NR2C2: variants seen among roughly 807,000 people sequenced by gnomAD.
NR2C2 encodes the protein nuclear receptor subfamily 2 group C member 2.
NR2C2 carries 6 observed loss-of-function variants against 62.9 expected under a neutral mutation model. The observed-to-expected ratio is 0.10, with a 90% confidence interval of 0.05 to 0.19. NR2C2 has a LOEUF of 0.19. NR2C2 is among the 10% of genes least tolerant of loss of function. The pLI, the probability that NR2C2 is intolerant of heterozygous loss-of-function variation, is 1.00. For synonymous variants in NR2C2, 272 were observed against 273.8 expected, an observed-to-expected ratio of 0.99 and a Z score of 0.07; for missense variants, 479 against 762.7, an observed-to-expected ratio of 0.63 and a Z score of 4.38.
intron 1 of NR2C2, among the ~76,000 whole-genome samples, chr3:14,949,537 C>T (rs185604936): frequency 4.6e-4 from 70 of 152,248 alleles, no homozygotes; most frequent in African/African-American, 1.6e-3. Context: ...ATAAGAAAGT[C>T]GAGGAAAATA....
chr3:15,019,989 T>C (rs1376873081), intron 4 of NR2C2, among the ~76,000 whole-genome samples: 3 of 152,244 alleles, frequency 2.0e-5, no homozygotes, highest in South Asian at 2.1e-4. Flanking sequence ...AACGTGGATA[T>C]ATTGAAATAT....
At chr3:15,036,980 G>A (rs899050836) in intron 11 of NR2C2, among the ~76,000 whole-genome samples, 3 of 150,458 alleles carry the variant, frequency 2.0e-5, no homozygotes, top group Non-Finnish European at 4.5e-5. Context: ...AAATTAGCCT[G>A]ACATGGTGGT....
Position 15,043,098 on chromosome 3 carries a change from T to C in NR2C2, c.*90T>C. ...GTAGTGGTATTTTGGTATGTGCAAA[T>C]ATTTCCATATGTTAGCCATTTCCTG... On this transcript the variant is annotated 3_prime_UTR_variant, in exon 14 of 14. Transcript: ENST00000425241. The C allele has an allele frequency of 8.0e-7, 1 of 1,257,788 alleles. No individual in the cohort carries two copies. Among genetic ancestry groups the C allele is most frequent in the Non-Finnish European group, 1.1e-6 (1 of 929,990 alleles). 77.9% of individuals were successfully genotyped at this position (1,257,788 alleles called of 1,614,324 possible). A position where few individuals can be genotyped will look rare whatever the true frequency, so the allele number is the denominator to read the frequency against.
chr3:15,003,756 C>T (rs2041087272), intron 1 of NR2C2, 120 bp from the exon 2 acceptor site: 3 of 651,974 alleles, frequency 4.6e-6, no homozygotes, highest in Middle Eastern at 5.2e-4. Context: ...TGGGTCCATA[C>T]CTCAGAACCA....
At chr3:14,976,247 A>G (rs1487561030) in intron 1 of NR2C2, among the ~76,000 whole-genome samples, 1 of 152,188 alleles carries the variant, frequency 6.6e-6, no homozygotes, top group Non-Finnish European at 1.5e-5. Flanking sequence ...TATTCCCATT[A>G]GATGAAGAGA....
chr3:15,031,149 T>C (rs2041969730), intron 9 of NR2C2, among the ~76,000 whole-genome samples: 1 of 152,106 alleles, frequency 6.6e-6, no homozygotes, highest in African/African-American at 2.4e-5. Flanking sequence ...GAAACCCTCA[T>C]ATAAAATCTA....
chr3:14,964,900 C>T (rs2039796495), intron 1 of NR2C2, among the ~76,000 whole-genome samples: 1 of 152,158 alleles, frequency 6.6e-6, no homozygotes, highest in South Asian at 2.1e-4. Context: ...TGGCTGGATC[C>T]TGTCCTGGCA....
At chr3:14,979,737 C>CAGGG (rs1165880006) in intron 1 of NR2C2, among the ~76,000 whole-genome samples, 1 of 151,762 alleles carries the variant, frequency 6.6e-6, no homozygotes, top group Non-Finnish European at 1.5e-5. Flanking sequence ...GGCAGCAGTG[C>CAGGG]AGGGAGGGAG....
chr3:14,988,646 A>C (rs2040576352), intron 1 of NR2C2, among the ~76,000 whole-genome samples: 1 of 152,158 alleles, frequency 6.6e-6, no homozygotes, highest in South Asian at 2.1e-4. Flanking sequence ...TAGTGAATAG[A>C]GTGTTTTGTT....
chr3:15,001,318 G>GTTTTTTTTTTTTTTTTTTTTTTGT (rs61017075), intron 1 of NR2C2, among the ~76,000 whole-genome samples: 13 of 97,482 alleles, frequency 1.3e-4, no homozygotes, highest in East Asian at 3.1e-4. Context: ...TTTGTTTTGG[G>GTTTTTTTTTTTTTTTTTTTTTTGT]TTTTTTTTTT....
In NR2C2 at chr3:15,023,324, T is replaced by C. The variant is rs2230442; in HGVS notation, c.681T>C (p.Phe227=). The C allele has an allele frequency of 2.6e-5, 42 of 1,614,076 alleles. No individual in the cohort carries two copies. In the African/African-American group the frequency reaches 5.5e-4, roughly 21 times the overall value. The stretch of plus-strand genomic sequence containing the variant: ...GTCCCCTGATAGCTACTCCCACGTT[T>C]GTGGCAGACAAAGATGGAGCAAGGT... ...LRSPLIATPT[F]VADKDGARQT... The change falls in exon 6 of 14, where the codon TTT becomes TTC. Residue 227 remains phenylalanine (F), a synonymous_variant. Coordinates refer to ENST00000425241, the MANE Select transcript of NR2C2 (RefSeq NM_001291694.2).
intron 1 of NR2C2, among the ~76,000 whole-genome samples, chr3:14,963,299 T>G (rs1248934908): frequency 1.3e-5 from 2 of 152,162 alleles, no homozygotes; most frequent in Non-Finnish European, 2.9e-5. Context: ...ACTGTCAGTA[T>G]TCCCATTTAG....
At chr3:14,980,793 G>C (rs765133172) in intron 1 of NR2C2, among the ~76,000 whole-genome samples, 3 of 152,178 alleles carry the variant, frequency 2.0e-5, no homozygotes, top group Non-Finnish European at 4.4e-5. Context: ...AAAGCTTTGG[G>C]AGAAATGCAT....
chr3:15,037,357 GCCA>G (rs894858728), intron 11 of NR2C2, among the ~76,000 whole-genome samples: 4 of 152,014 alleles, frequency 2.6e-5, no homozygotes, highest in Non-Finnish European at 5.9e-5. Flanking sequence ...AGAGGCACGA[GCCA>G]CCACAACTGG....
chr3:14,968,355 A>G (rs1322999043), intron 1 of NR2C2, among the ~76,000 whole-genome samples: 5 of 152,234 alleles, frequency 3.3e-5, no homozygotes. Context: ...AAAAGAAGAC[A>G]TTTATGCAGC....
chr3:14,973,981 C>T (rs139123569), intron 1 of NR2C2, among the ~76,000 whole-genome samples: 655 of 152,176 alleles, frequency 4.3e-3, no homozygotes, highest in Admixed American at 0.012. Flanking sequence ...AGTCAGAGAC[C>T]GTCTCTGTAT....
At chr3:14,986,507 C>T (rs1182871356) in intron 1 of NR2C2, among the ~76,000 whole-genome samples, 1 of 152,114 alleles carries the variant, frequency 6.6e-6, no homozygotes, top group Non-Finnish European at 1.5e-5. Context: ...AGGATGATGT[C>T]CTTGCAAAAG....
intron 1 of NR2C2, among the ~76,000 whole-genome samples, chr3:14,963,282 G>A (rs2039740693): frequency 6.6e-6 from 1 of 152,090 alleles, no homozygotes; most frequent in Non-Finnish European, 1.5e-5. Context: ...AACTTTCTGA[G>A]GTTGGTACTG....
intron 9 of NR2C2, among the ~76,000 whole-genome samples, chr3:15,031,235 T>A (rs1459256848): frequency 6.6e-6 from 1 of 152,114 alleles, no homozygotes; most frequent in Non-Finnish European, 1.5e-5. Flanking sequence ...CCTTGAAGAG[T>A]GCTGTTAAGG....
Sources: gnomAD v4.1 joint callset for allele counts (sites outside exome capture counted in the v4.1 genomes callset) on GRCh38, gnomAD v4.1.1 for gene constraint, MANE v1.5 for transcripts, NCBI Gene and HGNC (gene_info 2026-07-23, HGNC 2026-07-21) for gene names.